OR5B21: variants seen among roughly 807,000 people sequenced by gnomAD.
OR5B21 encodes the protein olfactory receptor 5B21.
For missense variants in OR5B21, 372 were observed against 375.7 expected (o/e 0.99, Z 0.08); for synonymous variants, 151 against 143.3 (o/e 1.05, Z -0.38).
In OR5B21 at chr11:58,507,287, C is replaced by T. The variant is rs1468932020; in HGVS notation, c.819G>A (p.Val273=). 3 of 1,614,142 alleles carry T rather than the reference C, an allele frequency of 1.9e-6. No individual in the cohort carries two copies. The highest frequency in any genetic ancestry group is 2.5e-6 in the Non-Finnish European group (3 of 1,179,994). ...QSVDTDKIAS[V]FYTVVIPMLN... is the part of the protein sequence containing the mutation. ...GCATGGGAATCACCACTGTGTAAAA[C>T]ACAGAGGCTATTTTGTCTGTGTCCA... Residue 273 remains valine, a synonymous_variant, in exon 1 of 1, where the codon GTG becomes GTA. Coordinates refer to ENST00000360374, the MANE Select transcript of OR5B21 (RefSeq NM_001005218.3).
chr11:58,507,856 G>T lies in OR5B21; in HGVS notation c.250C>A (p.Arg84=), dbSNP rs534324656. 4.3e-6 allele frequency: 7 copies of T among 1,613,948 alleles called. No homozygotes were observed. The Admixed American group carries it at 1.0e-4, about 23-fold the overall frequency. The part of the protein sequence containing the change: ...AVAPKTVAAL[R]SGDKAISYDG... ...TAGGAGATGGCCTTGTCCCCTGACC[G>T]CAATGCAGCCACCGTTTTGGGGGCT... Residue 84 remains arginine (R), a synonymous_variant, in exon 1 of 1, where the codon CGG becomes AGG. Transcript: ENST00000360374.
Position 58,507,514 on chromosome 11 carries a change from A to G in OR5B21, c.592T>C (p.Phe198Leu), listed in dbSNP as rs1853064778. Reference protein sequence around the residue: ...SDTRISKLVVFVAGFNVFFTL... With the variant: ...SDTRISKLVVLVAGFNVFFTL... Reference sequence around the variant, plus strand: ...AAAAAGACGTTGAAGCCTGCCACAAAGACCACCAACTTGCTGATGCGTGTG... The same window carrying G: ...AAAAAGACGTTGAAGCCTGCCACAAGGACCACCAACTTGCTGATGCGTGTG... Residue 198 changes from phenylalanine to leucine, a missense_variant, in exon 1 of 1, where the codon TTT becomes CTT. Phe to Leu is a conservative substitution (Grantham distance 22). Coordinates refer to ENST00000360374, the MANE Select transcript of OR5B21 (RefSeq NM_001005218.3). 6.2e-7 allele frequency: 1 copy of G among 1,614,126 alleles called. No individual in the cohort carries two copies. The highest frequency in any genetic ancestry group is 8.5e-7 in the Non-Finnish European group (1 of 1,180,006).
At position 58,508,046 on chromosome 11, in the gene OR5B21, A is replaced by G; in HGVS notation, c.60T>C (p.Asn20=). Residue 20 remains asparagine (N), a synonymous_variant, in exon 1 of 1, where the codon AAT becomes AAC. Transcript: ENST00000360374. The part of the protein sequence containing the change: ...FILLGLTDDP[N]LQIPLLLAFL... ...ATGCCAGGAGGAGGGGTATCTGAAG[A>G]TTGGGGTCATCTGTTAATCCCAAGA... is the stretch of plus-strand genomic sequence containing the variant. The G allele has an allele frequency of 1.2e-6, 2 of 1,614,050 alleles. No individual in the cohort carries two copies. Among genetic ancestry groups the G allele is most frequent in the Non-Finnish European group, 8.5e-7 (1 of 1,180,012 alleles).
Position 58,507,311 on chromosome 11 carries a change from C to G in OR5B21, c.795G>C (p.Val265=). 6.2e-7 allele frequency: 1 copy of G among 1,614,082 alleles called. No individual in the cohort carries two copies. Among genetic ancestry groups the G allele is most frequent in the Non-Finnish European group, 8.5e-7 (1 of 1,179,998 alleles). The change falls in exon 1 of 1, where the codon GTG becomes GTC. Residue 265 remains valine (V), a synonymous_variant. Coordinates refer to ENST00000360374, the MANE Select transcript of OR5B21 (RefSeq NM_001005218.3). ...ACACAGAGGCTATTTTGTCTGTGTC[C>G]ACGGACTGGCTGGAGTTGGGCTGTA... is the stretch of plus-strand genomic sequence containing the variant. ...MYLQPNSSQS[V]DTDKIASVFY...
Position 58,507,413 on chromosome 11 carries a change from C to G in OR5B21, c.693G>C (p.Gln231His). The G allele has an allele frequency of 1.2e-6, 2 of 1,614,096 alleles. No homozygotes were observed. Residue 231 changes from glutamine (Q) to histidine (H), a missense_variant, in exon 1 of 1, where the codon CAG (glutamine) becomes CAC (histidine). Transcript: ENST00000360374. ...AAGCACAGGTGGAGAAGACTTTCTT[C>G]TGCCCTTCAGCAGAATGCATCCTCT... ...TIQRMHSAEG[Q>H]KKVFSTCASH...
chr11:58,507,876 G>A lies in OR5B21; in HGVS notation c.230C>T (p.Pro77Leu). 6.2e-7 allele frequency: 1 copy of A among 1,614,180 alleles called. No individual in the cohort carries two copies. The highest frequency in any genetic ancestry group is 8.5e-7 in the Non-Finnish European group (1 of 1,180,026). ...VDLGYSSAVA[P>L]KTVAALRSGD... The stretch of plus-strand genomic sequence containing the variant: ...TGACCGCAATGCAGCCACCGTTTTG[G>A]GGGCTACAGCTGATGAGTAACCCAA... The change falls in exon 1 of 1, where the codon CCC (proline) becomes CTC (leucine). Residue 77 changes from proline to leucine, a missense_variant. Pro to Leu is a moderately conservative substitution (Grantham distance 98, BLOSUM62 -3). Transcript: ENST00000360374.
Position 58,508,047 on chromosome 11 carries a change from T to C in OR5B21, c.59A>G (p.Asn20Ser), listed in dbSNP as rs1196861135. Residue 20 changes from asparagine to serine, a missense_variant, in exon 1 of 1, where the codon AAT becomes AGT. Coordinates refer to ENST00000360374, the MANE Select transcript of OR5B21 (RefSeq NM_001005218.3). ...FILLGLTDDP[N>S]LQIPLLLAFL... ...TGCCAGGAGGAGGGGTATCTGAAGA[T>C]TGGGGTCATCTGTTAATCCCAAGAG... The C allele has an allele frequency of 1.1e-5, 18 of 1,613,930 alleles. No individual in the cohort carries two copies. The highest frequency in any genetic ancestry group is 1.3e-5 in the Non-Finnish European group (15 of 1,180,014).
rs369920892 is a variant in OR5B21 at position 58,507,806 on chromosome 11, G to A, written c.300C>T (p.Phe100=). ...ISYDGCAAQF[F]FFVGFATVEC... ...CAACAGTGGCAAACCCCACAAAGAA[G>A]AAGAACTGAGCTGCACATCCATCGT... The change falls in exon 1 of 1, where the codon TTC becomes TTT. Residue 100 remains phenylalanine (F), a synonymous_variant. Coordinates refer to ENST00000360374, the MANE Select transcript of OR5B21 (RefSeq NM_001005218.3). The A allele has an allele frequency of 3.5e-5, 57 of 1,614,108 alleles. No homozygotes were observed. The highest frequency in any genetic ancestry group is 4.8e-5 in the Non-Finnish European group (57 of 1,180,002).
In OR5B21 at chr11:58,507,059, T is replaced by C. The variant is rs933231272; in HGVS notation, c.*117A>G. 9.9e-6 allele frequency: 7 copies of C among 706,914 alleles called. No individual in the cohort carries two copies. The highest frequency in any genetic ancestry group is 1.5e-5 in the Non-Finnish European group (6 of 409,034). 43.8% of individuals were successfully genotyped at this position (706,914 alleles called of 1,614,324 possible). Reference sequence around the variant, plus strand: ...TTTTTACATCTTCTAATAGCAGAAGTAACCGCTGTTCTTGGGGAAGAAAGA... The same window carrying C: ...TTTTTACATCTTCTAATAGCAGAAGCAACCGCTGTTCTTGGGGAAGAAAGA... On this transcript the variant is annotated 3_prime_UTR_variant, in exon 1 of 1. Coordinates refer to ENST00000360374, the MANE Select transcript of OR5B21 (RefSeq NM_001005218.3).
Position 58,507,879 on chromosome 11 carries a change from GC to G in OR5B21, c.226del (p.Ala76ProfsTer59). 1 of 1,614,178 alleles carries G rather than the reference GC, an allele frequency of 6.2e-7. No individual in the cohort carries two copies. Among genetic ancestry groups the G allele is most frequent in the Non-Finnish European group, 8.5e-7 (1 of 1,180,022 alleles). ...LVDLGYSSAV[A>X]PKTVAALRSG... ...CCGCAATGCAGCCACCGTTTTGGGG[GC>G]TACAGCTGATGAGTAACCCAAGTCT... On this transcript the variant is annotated frameshift_variant, in exon 1 of 1. Transcript: ENST00000360374. LOFTEE classifies it low-confidence loss of function (END_TRUNC).
rs1853069390 is a variant in OR5B21, at chr11:58,507,736, C to T, written c.370G>A (p.Val124Ile). 3 of 1,614,050 alleles carry T rather than the reference C, an allele frequency of 1.9e-6. No homozygotes were observed. The highest frequency in any genetic ancestry group is 3.3e-5 in the Admixed American group (2 of 59,986). ...ASMAYDRHAA[V>I]CRPLHYTTTM... ...GTGGTGTAATGAAGAGGCCTACATA[C>T]CGCTGCATGGCGATCATAGGCCATG... Residue 124 changes from valine to isoleucine, a missense_variant, in exon 1 of 1, where the codon GTA becomes ATA. By Grantham distance (29) the Val-to-Ile change is conservative. Transcript: ENST00000360374.
Position 58,507,887 on chromosome 11 carries a change from T to A in OR5B21, c.219A>T (p.Ser73=). ...CAGCCACCGTTTTGGGGGCTACAGC[T>A]GATGAGTAACCCAAGTCTACAAGGG... ...NLSLVDLGYS[S]AVAPKTVAAL... is the part of the protein sequence containing the mutation. Residue 73 remains serine, a synonymous_variant, in exon 1 of 1, where the codon TCA becomes TCT. Transcript: ENST00000360374. The A allele has an allele frequency of 6.2e-7, 1 of 1,614,148 alleles. No homozygotes were observed. Among genetic ancestry groups the A allele is most frequent in the African/African-American group, 1.3e-5 (1 of 75,042 alleles).
chr11:58,507,630 G>C lies in OR5B21; in HGVS notation c.476C>G (p.Ala159Gly). 1 of 1,614,134 alleles carries C rather than the reference G, an allele frequency of 6.2e-7. No homozygotes were observed. The change falls in exon 1 of 1, where the codon GCA becomes GGA. Residue 159 changes from alanine (A) to glycine (G), a missense_variant. By Grantham distance (60) the Ala-to-Gly change is moderately conservative. Coordinates refer to ENST00000360374, the MANE Select transcript of OR5B21 (RefSeq NM_001005218.3). ...ACAGAAGGAGAGTCTGAAGGTGCCT[G>C]CTGCATGGATAGAGGCATTGAGGAA... ...SGFLNASIHAAGTFRLSFCGS... is the reference protein window; with the variant it reads ...SGFLNASIHAGGTFRLSFCGS...
Position 58,507,893 on chromosome 11 carries a change from G to A in OR5B21, c.213C>T (p.Tyr71=), listed in dbSNP as rs745493192. 3.7e-6 allele frequency: 6 copies of A among 1,614,194 alleles called. No homozygotes were observed. In the South Asian group the frequency reaches 5.5e-5, roughly 15 times the overall value. ...CCGTTTTGGGGGCTACAGCTGATGA[G>A]TAACCCAAGTCTACAAGGGAGAGGT... ...LSNLSLVDLG[Y]SSAVAPKTVA... The change falls in exon 1 of 1, where the codon TAC becomes TAT. Residue 71 remains tyrosine, a synonymous_variant. Coordinates refer to ENST00000360374, the MANE Select transcript of OR5B21 (RefSeq NM_001005218.3).
In OR5B21 at chr11:58,507,776, G is replaced by A. The variant is rs1565175890; in HGVS notation, c.330C>T (p.Cys110=). The change falls in exon 1 of 1, where the codon TGC becomes TGT. Residue 110 remains cysteine, a synonymous_variant. Transcript: ENST00000360374. ...CATAGGCCATGGAGGCCAGGAGGTAGCACTCAACAGTGGCAAACCCCACAA... is the reference window on the plus strand; with the variant it reads ...CATAGGCCATGGAGGCCAGGAGGTAACACTCAACAGTGGCAAACCCCACAA... ...FFFVGFATVE[C]YLLASMAYDR... is the part of the protein sequence containing the mutation. The A allele has an allele frequency of 6.2e-7, 1 of 1,613,994 alleles. No homozygotes were observed. The highest frequency in any genetic ancestry group is 8.5e-7 in the Non-Finnish European group (1 of 1,180,012).
Position 58,507,024 on chromosome 11 carries a change from A to T in OR5B21, c.*152T>A, listed in dbSNP as rs967569900. On this transcript the variant is annotated 3_prime_UTR_variant, in exon 1 of 1. Transcript: ENST00000360374. ...GATTATCTTTCTAAGTAAGACTTTC[A>T]ACGTGCTGCTTTTTACATCTTCTAA... is the stretch of plus-strand genomic sequence containing the variant. 4 of 590,484 alleles carry T rather than the reference A, an allele frequency of 6.8e-6. No homozygotes were observed. The highest frequency in any genetic ancestry group is 1.2e-5 in the Non-Finnish European group (4 of 331,004). The allele number at this position is 590,484 out of a possible 1,614,324, so 36.6% of individuals were successfully genotyped here. A position where few individuals can be genotyped will look rare whatever the true frequency, so the allele number is the denominator to read the frequency against.
chr11:58,507,294 G>A lies in OR5B21; in HGVS notation c.812C>T (p.Ala271Val), dbSNP rs754974253. ...AATCACCACTGTGTAAAACACAGAG[G>A]CTATTTTGTCTGTGTCCACGGACTG... Reference protein sequence around the residue: ...SSQSVDTDKIASVFYTVVIPM... With the variant: ...SSQSVDTDKIVSVFYTVVIPM... The change falls in exon 1 of 1, where the codon GCC (alanine) becomes GTC (valine). Residue 271 changes from alanine to valine, a missense_variant. Ala to Val is a moderately conservative substitution (Grantham distance 64, BLOSUM62 0). Transcript: ENST00000360374. 2 of 1,613,834 alleles carry A rather than the reference G, an allele frequency of 1.2e-6. No homozygotes were observed. The highest frequency in any genetic ancestry group is 8.5e-7 in the Non-Finnish European group (1 of 1,179,850).
At position 58,507,592 on chromosome 11, in the gene OR5B21, T is replaced by C. The variant is rs1444618737; in HGVS notation, c.514A>G (p.Ile172Val). The stretch of plus-strand genomic sequence containing the variant: ...GGAATGTCACAGAAGAAATGATTAA[T>C]CTCATTAGAACCACAGAAGGAGAGT... The part of the protein sequence containing the change: ...FRLSFCGSNE[I>V]NHFFCDIPPL... The change falls in exon 1 of 1, where the codon ATT (isoleucine) becomes GTT (valine). Residue 172 changes from isoleucine (I) to valine (V), a missense_variant. Physicochemically the swap from Ile to Val is conservative, Grantham distance 29. Coordinates refer to ENST00000360374, the MANE Select transcript of OR5B21 (RefSeq NM_001005218.3). The C allele has an allele frequency of 1.2e-6, 2 of 1,614,048 alleles. No homozygotes were observed. The highest frequency in any genetic ancestry group is 1.7e-6 in the Non-Finnish European group (2 of 1,180,020).
rs745421742 is a variant in OR5B21 at position 58,507,445 on chromosome 11, T to A, written c.661A>T (p.Thr221Ser). 2 of 1,613,848 alleles carry A rather than the reference T, an allele frequency of 1.2e-6. No individual in the cohort carries two copies. Among genetic ancestry groups the A allele is most frequent in the Non-Finnish European group, 1.7e-6 (2 of 1,179,856 alleles). Residue 221 changes from threonine (T) to serine (S), a missense_variant, in exon 1 of 1, where the codon ACC becomes TCC. Physicochemically the swap from Thr to Ser is moderately conservative, Grantham distance 58. Coordinates refer to ENST00000360374, the MANE Select transcript of OR5B21 (RefSeq NM_001005218.3). ...ILISYFFICITIQRMHSAEGQ... is the reference protein window; with the variant it reads ...ILISYFFICISIQRMHSAEGQ... ...TCAGCAGAATGCATCCTCTGAATGG[T>A]GATGCATATGAAGAAGTAAGAAATA...
Sources: allele counts gnomAD v4.1 joint callset, GRCh38; gene constraint gnomAD v4.1.1; transcripts MANE v1.5; gene names NCBI Gene and HGNC (gene_info 2026-07-23, HGNC 2026-07-21).